The following RBFOX1 variants were observed in gnomAD, a reference collection of about 807,000 sequenced individuals.
RBFOX1 encodes the protein RNA binding fox-1 homolog 1, also known as RNA binding protein fox-1 homolog 1.
A neutral mutation model predicts 57.7 loss-of-function variants in RBFOX1; 8 were observed. The observed-to-expected ratio is 0.14, with a 90% confidence interval of 0.08 to 0.25. The LOEUF is 0.25. Among genes scored for constraint, RBFOX1 ranks in the 10% least tolerant of loss-of-function variants. The pLI is 1.00. For missense variants in RBFOX1, 611 were observed against 548.5 expected, an observed-to-expected ratio of 1.11 and a Z score of -1.14; for synonymous variants, 326 against 222.4, an observed-to-expected ratio of 1.47 and a Z score of -4.15.
chr16:6,980,191 C>T (rs576327859), intron 3 of RBFOX1, among the ~76,000 whole-genome samples: 1 of 152,106 alleles, frequency 6.6e-6, no homozygotes, highest in Non-Finnish European at 1.5e-5. Flanking sequence ...TTATTTGCAT[C>T]CAAAAGCAAT....
intron 4 of RBFOX1, 88 bp from the exon 5 acceptor site, chr16:7,518,059 A>G: frequency 3.4e-6 from 5 of 1,490,058 alleles, no homozygotes; most frequent in Non-Finnish European, 4.5e-6. Flanking sequence ...TACGCGGGGC[A>G]CGATCGTCCT....
At chr16:5,577,394 TTA>T (rs769644170) in intron 2 of RBFOX1, among the ~76,000 whole-genome samples, 6 of 152,156 alleles carry the variant, frequency 3.9e-5, no homozygotes, top group Non-Finnish European at 5.9e-5. Context: ...CTCAACATTT[TTA>T]TGTTAGGACA....
intron 14 of RBFOX1, among the ~76,000 whole-genome samples, chr16:7,707,737 C>A (rs1245055080): frequency 6.6e-6 from 1 of 152,172 alleles, no homozygotes. Context: ...AAAAAGCCAA[C>A]CCACTTGCCT....
At chr16:6,256,654 C>T (rs187702383) in intron 1 of RBFOX1, among the ~76,000 whole-genome samples, 2 of 152,100 alleles carry the variant, frequency 1.3e-5, no homozygotes, top group Non-Finnish European at 2.9e-5. Context: ...AGCCAGAACA[C>T]TTTTGCTGTG....
chr16:5,248,595 G>A (rs115493831), intron 1 of RBFOX1, among the ~76,000 whole-genome samples: 3 of 152,304 alleles, frequency 2.0e-5, no homozygotes, highest in Admixed American at 6.5e-5. Flanking sequence ...AGCCAGGGCC[G>A]TGGAGCGCTT....
rs961184547 is a variant in RBFOX1 at position 7,243,979 on chromosome 16, C to T, written c.27+191881C>T. ...CATACAAAACTCGATAACTAACATA[C>T]ATTTCTTTTTTCCTGGAGAGAATGT... is the stretch of plus-strand genomic sequence containing the variant. On this transcript the variant is annotated intron_variant, in intron 4 of 15. Coordinates refer to ENST00000550418, the MANE Select transcript of RBFOX1 (RefSeq NM_018723.4). Among the ~76,000 whole-genome samples, 5 of 82,650 alleles carry T rather than the reference C, an allele frequency of 6.0e-5. 1 individual carries two copies. In the East Asian group the frequency reaches 1.1e-3, roughly 19 times the overall value. 54.2% of individuals were successfully genotyped at this position (82,650 alleles called of 152,430 possible).
chr16:5,862,489 A>T (rs1330871619), intron 3 of RBFOX1, among the ~76,000 whole-genome samples: 2 of 152,090 alleles, frequency 1.3e-5, no homozygotes, highest in East Asian at 3.9e-4. Context: ...GACCTGCATC[A>T]ATCAGTGAGA....
Position 7,414,325 on chromosome 16 carries a change from C to T in RBFOX1, c.28-103822C>T, listed in dbSNP as rs28576000. Among the ~76,000 whole-genome samples, 973 of 152,158 alleles carry T rather than the reference C, an allele frequency of 6.4e-3. 8 individuals carry two copies. Among genetic ancestry groups the T allele is most frequent in the African/African-American group, 0.021 (876 of 41,500 alleles). On this transcript the variant is annotated intron_variant, in intron 4 of 15. Transcript: ENST00000550418. ...ACTGGCCAGGTTATGGGAAGTGGTACAAAGTTGGAGTAAAAGTAAGGTAAG... is the reference window on the plus strand; with the variant it reads ...ACTGGCCAGGTTATGGGAAGTGGTATAAAGTTGGAGTAAAAGTAAGGTAAG...
At chr16:6,344,057 G>C (rs188294434) in intron 2 of RBFOX1, among the ~76,000 whole-genome samples, 1 of 152,048 alleles carries the variant, frequency 6.6e-6, no homozygotes, top group African/African-American at 2.4e-5. Flanking sequence ...TCTATTTCTC[G>C]TACCCAGTGC....
intron 1 of RBFOX1, among the ~76,000 whole-genome samples, chr16:6,240,684 T>TAA (rs34274729): frequency 0.017 from 2,495 of 149,446 alleles, 77 homozygotes; most frequent in African/African-American, 0.056. Context: ...TTCTTTTTCC[T>TAA]AAAAAAAAAA....
chr16:5,824,398 C>T (rs1343627228), intron 3 of RBFOX1, among the ~76,000 whole-genome samples: 1 of 152,162 alleles, frequency 6.6e-6, no homozygotes, highest in Non-Finnish European at 1.5e-5. Context: ...AAGTGCCAGA[C>T]AGTGTCCCAG....
At chr16:7,185,711 C>A (rs188693096) in intron 4 of RBFOX1, among the ~76,000 whole-genome samples, 1 of 152,076 alleles carries the variant, frequency 6.6e-6, no homozygotes, top group African/African-American at 2.4e-5. Context: ...TTTTTGCTAC[C>A]ACTGAAAGTG....
At chr16:7,488,629 T>A (rs997440306) in intron 4 of RBFOX1, among the ~76,000 whole-genome samples, 14 of 152,304 alleles carry the variant, frequency 9.2e-5, no homozygotes, top group African/African-American at 3.1e-4. Context: ...ATCTACTATT[T>A]ACCTATCACT....
chr16:7,038,875 C>T (rs567169948), intron 3 of RBFOX1, among the ~76,000 whole-genome samples: 1 of 152,148 alleles, frequency 6.6e-6, no homozygotes, highest in Non-Finnish European at 1.5e-5. Flanking sequence ...CAAGAAAACA[C>T]CTCATTAAAA....
chr16:6,029,128 C>G (rs560443933), intron 1 of RBFOX1, among the ~76,000 whole-genome samples: 1 of 152,334 alleles, frequency 6.6e-6, no homozygotes, highest in Admixed American at 6.5e-5. Context: ...AATAGCCTCT[C>G]ACCCCATGAC....
chr16:6,486,355 A>T (rs2095482063), intron 2 of RBFOX1, among the ~76,000 whole-genome samples: 1 of 152,060 alleles, frequency 6.6e-6, no homozygotes, highest in Non-Finnish European at 1.5e-5. Context: ...TTTTTATATT[A>T]GATTTTGAGC....
At chr16:7,356,728 A>G (rs1324432644) in intron 4 of RBFOX1, among the ~76,000 whole-genome samples, 1 of 152,250 alleles carries the variant, frequency 6.6e-6, no homozygotes, top group African/African-American at 2.4e-5. Context: ...CAAATACGTT[A>G]AAGAAGTGTT....
chr16:7,029,242 G>A (rs1341295618), intron 3 of RBFOX1, among the ~76,000 whole-genome samples: 1 of 61,824 alleles, frequency 1.6e-5, no homozygotes, highest in Non-Finnish European at 3.0e-5. Flanking sequence ...ATACGTATAC[G>A]TATATATATA....
chr16:7,028,198 C>A (rs1179991001), intron 3 of RBFOX1, among the ~76,000 whole-genome samples: 2 of 152,060 alleles, frequency 1.3e-5, no homozygotes, highest in East Asian at 1.9e-4. Context: ...ATAGACTCTT[C>A]CATTTCCAAG....
Sources: gnomAD v4.1 joint callset for allele counts (sites outside exome capture counted in the v4.1 genomes callset) on GRCh38, gnomAD v4.1.1 for gene constraint, MANE v1.5 for transcripts, NCBI Gene and HGNC (gene_info 2026-07-23, HGNC 2026-07-21) for gene names.